The following ACSM2B variants were observed in gnomAD, a reference collection of about 807,000 sequenced individuals.
The protein encoded by ACSM2B is acyl-CoA synthetase medium chain family member 2B.
ACSM2B carries 58 observed loss-of-function variants against 78.6 expected under a neutral mutation model. The ratio of observed to expected loss-of-function variants is 0.74; its 90% CI spans 0.60 to 0.92. The LOEUF (loss-of-function observed/expected upper bound fraction) is 0.92. ACSM2B is among the 40% of genes least tolerant of loss of function. The pLI is 0.00. For synonymous variants in ACSM2B, 257 were observed against 256.8 expected (o/e 1.00, Z -0.01); for missense variants, 688 against 711.2 (o/e 0.97, Z 0.37).
At chr16:20,546,076 A>G (rs1407724742) in intron 9 of ACSM2B, among the ~76,000 whole-genome samples, 3 of 152,214 alleles carry the variant, frequency 2.0e-5, no homozygotes, top group Non-Finnish European at 1.5e-5. Flanking sequence ...TTAAATGATA[A>G]AAGCTAGTTA....
At chr16:20,559,943 G>A (rs1239587103) in intron 2 of ACSM2B, among the ~76,000 whole-genome samples, 1 of 150,808 alleles carries the variant, frequency 6.6e-6, no homozygotes, top group Non-Finnish European at 1.5e-5. Context: ...GAATAAAAAG[G>A]CAAATATCAC....
intron 13 of ACSM2B, among the ~76,000 whole-genome samples, chr16:20,538,684 G>T (rs2014907899): frequency 6.6e-6 from 1 of 152,128 alleles, no homozygotes; most frequent in Admixed American, 6.6e-5. Flanking sequence ...TGCACACTGT[G>T]TGATAGGACT....
rs775712341 is a variant in ACSM2B, at chr16:20,564,664, A to T, written c.177+5T>A. 30 of 1,613,656 alleles carry T rather than the reference A, an allele frequency of 1.9e-5. No individual in the cohort carries two copies. The South Asian group carries it at 3.2e-4, about 17-fold the overall frequency. On this transcript the variant is annotated splice_donor_5th_base_variant and intron_variant, in intron 2 of 13. Transcript: ENST00000329697. ...TCACTCTGTGCCTCTTTTCCATCCC[A>T]TTACCTTCTCCATGTCAGCCCAGTG...
At chr16:20,546,873 T>G (rs2015158517) in intron 8 of ACSM2B, 1 of 175,524 alleles carries the variant, frequency 5.7e-6, no homozygotes, top group Admixed American at 6.4e-5. Context: ...GTGTATCTAT[T>G]TATGGGATAT....
chr16:20,550,906 C>T (rs2152136753), intron 6 of ACSM2B, among the ~76,000 whole-genome samples: 1 of 152,216 alleles, frequency 6.6e-6, no homozygotes, highest in Middle Eastern at 3.4e-3. Flanking sequence ...TTCCGAATTG[C>T]TTCTAGAAAA....
At chr16:20,568,399 TATAA>T (rs1210679909) in intron 1 of ACSM2B, among the ~76,000 whole-genome samples, 1 of 146,278 alleles carries the variant, frequency 6.8e-6, no homozygotes, top group Non-Finnish European at 1.5e-5. Flanking sequence ...TACTACTATA[TATAA>T]ATATTTATAT....
chr16:20,547,218 G>A (rs1394385432), intron 8 of ACSM2B: 3 of 986,962 alleles, frequency 3.0e-6, no homozygotes, highest in Non-Finnish European at 3.6e-6. Flanking sequence ...ATGGGAATCT[G>A]AGTGTCCTTG....
intron 1 of ACSM2B, among the ~76,000 whole-genome samples, chr16:20,570,907 C>T (rs2016075194): frequency 6.6e-6 from 1 of 151,736 alleles, no homozygotes; most frequent in African/African-American, 2.4e-5. Flanking sequence ...TCTGTGGTAT[C>T]AGTTGTAATA....
intron 9 of ACSM2B, among the ~76,000 whole-genome samples, chr16:20,546,149 C>T (rs2015135130): frequency 6.6e-6 from 1 of 152,138 alleles, no homozygotes; most frequent in Non-Finnish European, 1.5e-5. Flanking sequence ...TGTATACTGT[C>T]TAGCTAATTT....
intron 12 of ACSM2B, 96 bp from the exon 13 acceptor site, chr16:20,540,869 G>T: frequency 6.6e-7 from 1 of 1,505,518 alleles, no homozygotes; most frequent in South Asian, 1.3e-5. Context: ...CATCACCCTT[G>T]TATCTACTCA....
intron 1 of ACSM2B, among the ~76,000 whole-genome samples, chr16:20,565,439 T>A (rs1310629921): frequency 6.6e-6 from 1 of 152,014 alleles, no homozygotes; most frequent in Non-Finnish European, 1.5e-5. Flanking sequence ...AAATGTGGAG[T>A]TGAGCTGAGC....
intron 8 of ACSM2B, chr16:20,547,179 A>C: frequency 1.0e-6 from 1 of 1,003,938 alleles, no homozygotes; most frequent in Non-Finnish European, 1.2e-6. Flanking sequence ...GACCCACCTC[A>C]GAAGAGAGGC....
chr16:20,544,441 T>C, intron 10 of ACSM2B: 1 of 561,342 alleles, frequency 1.8e-6, no homozygotes, highest in African/African-American at 2.1e-5. Flanking sequence ...GTTGAAAGTT[T>C]AAATGAGTTT....
At chr16:20,569,662 G>T (rs1293173120) in intron 1 of ACSM2B, among the ~76,000 whole-genome samples, 3 of 151,760 alleles carry the variant, frequency 2.0e-5, no homozygotes, top group African/African-American at 7.3e-5. Flanking sequence ...ATTGCTTTTG[G>T]CAATATAGTC....
intron 10 of ACSM2B, 196 bp downstream of exon 10, chr16:20,544,961 A>T (rs1375191494): frequency 2.0e-6 from 2 of 1,013,352 alleles, no homozygotes. Flanking sequence ...CAATGAGATC[A>T]CAGTGATAGG....
chr16:20,555,514 G>T (rs367603279), intron 3 of ACSM2B, 38 bp from the exon 4 acceptor site: 1 of 1,610,530 alleles, frequency 6.2e-7, no homozygotes, highest in Non-Finnish European at 8.5e-7. Flanking sequence ...GGAAAGGATG[G>T]TTTTCTTTGT....
chr16:20,546,040 A>C (rs2015131992), intron 9 of ACSM2B, among the ~76,000 whole-genome samples: 2 of 152,182 alleles, frequency 1.3e-5, no homozygotes, highest in South Asian at 4.1e-4. Context: ...GCATTAATTG[A>C]ACTGAAAAGA....
At position 20,552,291 on chromosome 16, in the gene ACSM2B, T is replaced by C; in HGVS notation, c.747A>G (p.Thr249=). The change falls in exon 6 of 14, where the codon ACA becomes ACG. Residue 249 remains threonine (T), a synonymous_variant. Coordinates refer to ENST00000329697, the MANE Select transcript of ACSM2B (RefSeq NM_001105069.2). ...ACATTATATCAGAGGCTTGCAGGCC[T>C]GTCCAACTGAAAACACAGACAAAAC... ...GLKAKMDAGW[T]GLQASDIMWT... The C allele has an allele frequency of 1.9e-6, 3 of 1,608,422 alleles. No homozygotes were observed. Among genetic ancestry groups the C allele is most frequent in the Admixed American group, 1.7e-5 (1 of 58,752 alleles).
At chr16:20,566,640 ATATACTATACTATATATAT>A in intron 1 of ACSM2B, among the ~76,000 whole-genome samples, 1 of 21,394 alleles carries the variant, frequency 4.7e-5, no homozygotes, top group East Asian at 6.0e-3. Flanking sequence ...TATAGTATAT[ATATACTATACTATATATAT>A]GTATATATAG....
Sources: gnomAD v4.1 joint callset for allele counts (sites outside exome capture counted in the v4.1 genomes callset) on GRCh38, gnomAD v4.1.1 for gene constraint, MANE v1.5 for transcripts, NCBI Gene and HGNC (gene_info 2026-07-23, HGNC 2026-07-21) for gene names.